Variants in ABTB3 observed in about 807,000 individuals in gnomAD.
The protein encoded by ABTB3 is ankyrin repeat and BTB domain containing 3, also known as ankyrin repeat- and BTB/POZ domain-containing protein 3.
the ABTB3 span, among the ~76,000 whole-genome samples, chr12:107,391,157 AAAAAT>A: frequency 6.6e-6 from 1 of 152,212 alleles, no homozygotes; most frequent in African/African-American, 2.4e-5. Flanking sequence ...CCTCAAAAAT[AAAAAT>A]AAAATAAAAT....
At chr12:107,450,579 T>C in the ABTB3 span, among the ~76,000 whole-genome samples, 1 of 152,098 alleles carries the variant, frequency 6.6e-6, no homozygotes, top group African/African-American at 2.4e-5. Flanking sequence ...CATTCAGTGG[T>C]CTAGGACAAG....
the ABTB3 span, among the ~76,000 whole-genome samples, chr12:107,379,018 G>A: frequency 6.6e-6 from 1 of 152,176 alleles, no homozygotes; most frequent in Non-Finnish European, 1.5e-5. Context: ...TTAAGCACCA[G>A]AGCCATCAAA....
chr12:107,484,254 A>G, the ABTB3 span, among the ~76,000 whole-genome samples: 5 of 152,342 alleles, frequency 3.3e-5, no homozygotes, highest in African/African-American at 1.2e-4. Flanking sequence ...ACCAGGGGCC[A>G]AAGCTGCAGC....
At chr12:107,612,443 T>C in the ABTB3 span, among the ~76,000 whole-genome samples, 2 of 152,246 alleles carry the variant, frequency 1.3e-5, no homozygotes, top group African/African-American at 4.8e-5. Context: ...AGGGCTGATA[T>C]TGCAGAATCA....
At chr12:107,619,412 A>C in the ABTB3 span, among the ~76,000 whole-genome samples, 1 of 152,312 alleles carries the variant, frequency 6.6e-6, no homozygotes, top group South Asian at 2.1e-4. Flanking sequence ...AGCAGCAGGA[A>C]TATCCTCCCA....
chr12:107,348,451 C>T, the ABTB3 span, among the ~76,000 whole-genome samples: 1 of 152,110 alleles, frequency 6.6e-6, no homozygotes, highest in African/African-American at 2.4e-5. Flanking sequence ...GAGACCTGTT[C>T]ACGCCTGGTG....
At chr12:107,435,886 G>A in the ABTB3 span, among the ~76,000 whole-genome samples, 1 of 152,194 alleles carries the variant, frequency 6.6e-6, no homozygotes, top group South Asian at 2.1e-4. Flanking sequence ...GTCCAACACA[G>A]CAGCTATTAG....
chr12:107,459,369 C>G, the ABTB3 span, among the ~76,000 whole-genome samples: 1 of 152,194 alleles, frequency 6.6e-6, no homozygotes, highest in African/African-American at 2.4e-5. Context: ...TGAGTGCCAG[C>G]TACTATGGTA....
the ABTB3 span, chr12:107,318,933 G>A: frequency 4.4e-6 from 7 of 1,587,076 alleles, no homozygotes; most frequent in Non-Finnish European, 6.0e-6. Flanking sequence ...GCATGAAGTG[G>A]CGCAGCGATG....
chr12:107,566,069 T>C, the ABTB3 span, among the ~76,000 whole-genome samples: 1 of 152,204 alleles, frequency 6.6e-6, no homozygotes, highest in East Asian at 1.9e-4. Context: ...ATTGCGTGTA[T>C]GTTTCCTTCT....
the ABTB3 span, among the ~76,000 whole-genome samples, chr12:107,385,651 G>C: frequency 6.6e-6 from 1 of 152,106 alleles, no homozygotes; most frequent in Admixed American, 6.5e-5. Flanking sequence ...CCTTGGAAAA[G>C]CTCCCACCTA....
chr12:107,330,176 G>C, the ABTB3 span, among the ~76,000 whole-genome samples: 1 of 152,136 alleles, frequency 6.6e-6, no homozygotes, highest in Admixed American at 6.5e-5. Flanking sequence ...AATGGGAGAG[G>C]GTAGGGAGGG....
At chr12:107,590,274 A>G in the ABTB3 span, among the ~76,000 whole-genome samples, 2 of 152,198 alleles carry the variant, frequency 1.3e-5, no homozygotes, top group South Asian at 4.1e-4. Flanking sequence ...ACAGGTGACA[A>G]CTCAGGTGTA....
the ABTB3 span, among the ~76,000 whole-genome samples, chr12:107,583,101 C>A: frequency 4.6e-5 from 7 of 152,144 alleles, no homozygotes; most frequent in African/African-American, 1.7e-4. Flanking sequence ...CCTCTCTGGA[C>A]CTTAGTTTTC....
chr12:107,521,263 T>TTGTGTGTGTGTGTGTGTGTG, the ABTB3 span, among the ~76,000 whole-genome samples: 2 of 142,864 alleles, frequency 1.4e-5, no homozygotes, highest in African/African-American at 5.2e-5. Flanking sequence ...TTCATATAAG[T>TTGTGTGTGTGTGTGTGTGTG]TGTGTGTGTG....
At chr12:107,508,068 A>G in the ABTB3 span, among the ~76,000 whole-genome samples, 2 of 43,426 alleles carry the variant, frequency 4.6e-5, no homozygotes, top group African/African-American at 3.0e-4. Context: ...GGGTAGAAAG[A>G]TGGATGGATG....
At chr12:107,319,829 A>G in the ABTB3 span, 1 of 1,252,754 alleles carries the variant, frequency 8.0e-7, no homozygotes. Flanking sequence ...AGGAGCGGCG[A>G]GCGGCGGCGC....
chr12:107,458,180 A>T, the ABTB3 span, among the ~76,000 whole-genome samples: 1 of 152,160 alleles, frequency 6.6e-6, no homozygotes, highest in Non-Finnish European at 1.5e-5. Flanking sequence ...TGCAAAGGGA[A>T]ATAGTGTGTA....
the ABTB3 span, among the ~76,000 whole-genome samples, chr12:107,504,568 T>C: frequency 6.6e-6 from 1 of 152,244 alleles, no homozygotes. Context: ...TAAATATACT[T>C]AACACGAAGG....
Sources: allele counts gnomAD v4.1 joint callset (sites outside exome capture counted in the v4.1 genomes callset), GRCh38; gene constraint gnomAD v4.1.1; transcripts MANE v1.5; gene names NCBI Gene and HGNC (gene_info 2026-07-23, HGNC 2026-07-21).